The following WWOX variants were observed in gnomAD, a reference collection of about 807,000 sequenced individuals.
The protein encoded by WWOX is WW domain containing oxidoreductase, also known as WW domain-containing oxidoreductase.
A neutral mutation model predicts 46.2 loss-of-function variants in WWOX; 69 were observed. The ratio of observed to expected loss-of-function variants is 1.49; its 90% CI spans 1.23 to 1.82. WWOX has a LOEUF of 1.82. Among genes scored for constraint, WWOX ranks in the 40% most tolerant of loss-of-function variants. The pLI, the probability that WWOX is intolerant of heterozygous loss-of-function variation, is 0.00. For missense variants in WWOX, 919 were observed against 542.6 expected, an observed-to-expected ratio of 1.69 and a Z score of -6.89; for synonymous variants, 359 against 202.6, an observed-to-expected ratio of 1.77 and a Z score of -6.56.
At chr16:79,210,540 A>G (rs1207544512) in intron 8 of WWOX, among the ~76,000 whole-genome samples, 2 of 152,054 alleles carry the variant, frequency 1.3e-5, no homozygotes, top group East Asian at 3.9e-4. Flanking sequence ...ATCTTCAGTT[A>G]CCTTTTCCGG....
At chr16:78,345,438 T>C (rs2081075901) in intron 5 of WWOX, among the ~76,000 whole-genome samples, 1 of 66,284 alleles carries the variant, frequency 1.5e-5, no homozygotes, top group East Asian at 2.9e-4. Context: ...CTGAGCACCA[T>C]GGCAAAACCC....
chr16:78,193,371 G>A (rs1184591383), intron 5 of WWOX, among the ~76,000 whole-genome samples: 2 of 152,168 alleles, frequency 1.3e-5, no homozygotes, highest in African/African-American at 4.8e-5. Context: ...GCTCCCAGAA[G>A]TAGCTAAAAC....
At chr16:78,799,331 T>C (rs1469472165) in intron 8 of WWOX, among the ~76,000 whole-genome samples, 6 of 152,132 alleles carry the variant, frequency 3.9e-5, no homozygotes, top group Admixed American at 2.0e-4. Context: ...CTAACAAAAA[T>C]CACTTTTAAA....
At chr16:79,085,510 A>G (rs887126360) in intron 8 of WWOX, among the ~76,000 whole-genome samples, 6 of 152,126 alleles carry the variant, frequency 3.9e-5, no homozygotes, top group African/African-American at 1.4e-4. Flanking sequence ...CTCCTTCACC[A>G]CCTAGAAAAC....
chr16:78,462,324 C>G (rs952238657), intron 8 of WWOX, among the ~76,000 whole-genome samples: 2 of 151,538 alleles, frequency 1.3e-5, no homozygotes, highest in South Asian at 4.2e-4. Flanking sequence ...CAGTAGCTAA[C>G]GAGGGCTGTG....
intron 8 of WWOX, among the ~76,000 whole-genome samples, chr16:79,085,459 G>T (rs1019672738): frequency 2.0e-5 from 3 of 152,110 alleles, no homozygotes; most frequent in African/African-American, 7.2e-5. Flanking sequence ...TCACTGGGCC[G>T]ATGTGGGCAC....
intron 7 of WWOX, among the ~76,000 whole-genome samples, chr16:78,431,057 C>A (rs926002599): frequency 6.6e-6 from 1 of 152,188 alleles, no homozygotes; most frequent in East Asian, 1.9e-4. Flanking sequence ...GGTCCTTTGA[C>A]AAACATGAGA....
At chr16:78,302,389 T>C (rs1469850093) in intron 5 of WWOX, among the ~76,000 whole-genome samples, 1 of 152,184 alleles carries the variant, frequency 6.6e-6, no homozygotes, top group Admixed American at 6.5e-5. Context: ...AGCCTCTCTT[T>C]TTCAGCCTTG....
At chr16:78,830,947 A>G (rs182181416) in intron 8 of WWOX, among the ~76,000 whole-genome samples, 14 of 152,312 alleles carry the variant, frequency 9.2e-5, no homozygotes, top group African/African-American at 3.1e-4. Context: ...CAATCATTGC[A>G]AACATGTTTA....
rs571271269 is a variant in WWOX at position 78,594,719 on chromosome 16, A to G, written c.1056+161967A>G. 5.5e-4 allele frequency among the ~76,000 whole-genome samples: 84 copies of G among 151,992 alleles called. 1 individual carries two copies. Among genetic ancestry groups the G allele is most frequent in the African/African-American group, 2.0e-3 (81 of 41,476 alleles). The stretch of plus-strand genomic sequence containing the variant: ...ACACCTTTCTCCTTTGTCCCTTTTT[A>G]TAACTCATAGGCTACCTCCAACTTG... On this transcript the variant is annotated intron_variant, in intron 8 of 8. Transcript: ENST00000566780.
chr16:78,360,026 C>G (rs539271351), intron 5 of WWOX, among the ~76,000 whole-genome samples: 1 of 152,092 alleles, frequency 6.6e-6, no homozygotes, highest in Admixed American at 6.5e-5. Flanking sequence ...TTTCAGGAAA[C>G]AAACTTTTTA....
chr16:78,131,676 G>A (rs953781121), intron 4 of WWOX, among the ~76,000 whole-genome samples: 1 of 151,868 alleles, frequency 6.6e-6, no homozygotes, highest in Non-Finnish European at 1.5e-5. Flanking sequence ...CCACGTCCCA[G>A]GTTCAAGCGA....
chr16:78,938,683 A>G (rs900899761), intron 8 of WWOX, among the ~76,000 whole-genome samples: 12 of 152,208 alleles, frequency 7.9e-5, no homozygotes, highest in Admixed American at 6.5e-4. Context: ...GGAGATAGCA[A>G]TGAAGGCAGA....
chr16:78,182,877 G>C (rs2035575258), intron 5 of WWOX, among the ~76,000 whole-genome samples: 2 of 151,392 alleles, frequency 1.3e-5, no homozygotes, highest in African/African-American at 4.9e-5. Flanking sequence ...CATGAACCTG[G>C]GAGGCAGAGC....
At chr16:78,433,672 C>A (rs1597078885) in intron 8 of WWOX, among the ~76,000 whole-genome samples, 1 of 151,802 alleles carries the variant, frequency 6.6e-6, no homozygotes, top group South Asian at 2.1e-4. Flanking sequence ...AGAACTATTG[C>A]AGGCCTATTA....
intron 8 of WWOX, among the ~76,000 whole-genome samples, chr16:78,638,150 T>G (rs114451503): frequency 0.017 from 2,579 of 152,222 alleles, 68 homozygotes; most frequent in African/African-American, 0.059. Context: ...CAACACTGTT[T>G]CCCATGGCAA....
intron 8 of WWOX, among the ~76,000 whole-genome samples, chr16:79,167,735 T>G (rs1462267487): frequency 1.3e-5 from 2 of 152,228 alleles, no homozygotes; most frequent in African/African-American, 4.8e-5. Flanking sequence ...CTGCAAACAT[T>G]GTTTTAGTTG....
intron 5 of WWOX, among the ~76,000 whole-genome samples, chr16:78,278,125 C>T (rs935957082): frequency 2.0e-5 from 3 of 152,004 alleles, no homozygotes; most frequent in South Asian, 2.1e-4. Context: ...ATCTCATTGG[C>T]GGTTTGCTGG....
At chr16:78,460,141 C>T (rs901311987) in intron 8 of WWOX, among the ~76,000 whole-genome samples, 9 of 151,188 alleles carry the variant, frequency 6.0e-5, no homozygotes, top group African/African-American at 1.2e-4. Context: ...CCCTCCCTTC[C>T]CCACCCTAAA....
Sources: gnomAD v4.1 joint callset for allele counts (sites outside exome capture counted in the v4.1 genomes callset) on GRCh38, gnomAD v4.1.1 for gene constraint, MANE v1.5 for transcripts, NCBI Gene and HGNC (gene_info 2026-07-23, HGNC 2026-07-21) for gene names.